Variants in COL4A5 observed in about 807,000 individuals in gnomAD.
The protein encoded by COL4A5 is collagen alpha-5(IV) chain.
COL4A5 carries 26 observed loss-of-function variants against 130.2 expected under a neutral mutation model. The ratio of observed to expected loss-of-function variants is 0.20; its 90% CI spans 0.15 to 0.28. The LOEUF is 0.28. Ranked by LOEUF, COL4A5 falls within the 10% of genes least tolerant of loss-of-function variation. The probability of loss-of-function intolerance (pLI) is 1.00; values close to 1 mark genes in which losing one functional copy is unlikely to be tolerated. For missense variants in COL4A5, 1,131 were observed against 1,344.3 expected, an observed-to-expected ratio of 0.84 and a Z score of 2.48; for synonymous variants, 496 against 439.6, an observed-to-expected ratio of 1.13 and a Z score of -1.60.
chrX:108,544,504 A>T lies in COL4A5; in HGVS notation c.141+4699A>T, dbSNP rs113457762. 3.7e-4 allele frequency among the ~76,000 whole-genome samples: 41 copies of T among 111,343 alleles called. No homozygotes were observed. The Admixed American group carries it at 3.9e-3, about 11-fold the overall frequency. On this transcript the variant is annotated intron_variant, in intron 2 of 52. Coordinates refer to ENST00000328300, the MANE Select transcript of COL4A5 (RefSeq NM_033380.3). Reference sequence around the variant, plus strand: ...AGGTTTTTGATGTGCTCTTGGATTCAGTTTGCCAGTATTTTATTGAGAATT... The same window carrying T: ...AGGTTTTTGATGTGCTCTTGGATTCTGTTTGCCAGTATTTTATTGAGAATT...
intron 1 of COL4A5, among the ~76,000 whole-genome samples, chrX:108,493,317 A>G (rs1158817086): frequency 8.9e-6 from 1 of 111,804 alleles, no homozygotes; most frequent in African/African-American, 3.2e-5. Flanking sequence ...AGTATGGTCC[A>G]TGCATATGAA....
intron 1 of COL4A5, among the ~76,000 whole-genome samples, chrX:108,508,827 A>G (rs1213225836): frequency 1.8e-5 from 2 of 112,135 alleles, no homozygotes; most frequent in Non-Finnish European, 3.8e-5. Context: ...TTTATATTCA[A>G]TAAATGGTGC....
chrX:108,566,763 A>G (rs1456406261), intron 4 of COL4A5, among the ~76,000 whole-genome samples: 1 of 110,344 alleles, frequency 9.1e-6, no homozygotes, highest in South Asian at 3.9e-4. Context: ...GTTAACCATG[A>G]TGGTCTGGAT....
chrX:108,623,608 T>C (rs2067097843), intron 33 of COL4A5, among the ~76,000 whole-genome samples: 2 of 111,898 alleles, frequency 1.8e-5, no homozygotes, highest in Non-Finnish European at 3.8e-5. Flanking sequence ...CTGCAGCTTA[T>C]AGTAAAGTTT....
chrX:108,546,889 A>C (rs770867920), intron 2 of COL4A5, among the ~76,000 whole-genome samples: 1 of 111,859 alleles, frequency 8.9e-6, no homozygotes, highest in African/African-American at 3.3e-5. Context: ...CCTTTCTTCC[A>C]GTTGATCGAA....
rs764862168 is a variant in COL4A5, at chrX:108,637,831, T to C, written c.3246+11482T>C. On this transcript the variant is annotated intron_variant, in intron 36 of 52. Transcript: ENST00000328300. ...AAAGAAAAGCTCAGGACCAGATGGC[T>C]ACACTGGTGAATTCTACCAATCTTT... Among the ~76,000 whole-genome samples, 21 of 109,632 alleles carry C rather than the reference T, an allele frequency of 1.9e-4. No homozygotes were observed. In the Admixed American group the frequency reaches 2.0e-3, roughly 11 times the overall value.
At chrX:108,491,588 T>G (rs1471153074) in intron 1 of COL4A5, among the ~76,000 whole-genome samples, 1 of 111,141 alleles carries the variant, frequency 9.0e-6, no homozygotes, top group East Asian at 2.8e-4. Context: ...ACCAGACAAA[T>G]GCTTAATAAT....
At position 108,626,248 on chromosome X, in the gene COL4A5, G is replaced by A; in HGVS notation, c.3145G>A (p.Val1049Ile). The A allele has an allele frequency of 8.3e-7, 1 of 1,210,408 alleles. No homozygotes were observed. Among genetic ancestry groups the A allele is most frequent in the Non-Finnish European group, 1.1e-6 (1 of 894,631 alleles). ...GGAAGGGCCTCCTGGACCTTCTGGAGTTCCTGGACAACCTGGCTCCCCAGG... is the reference window on the plus strand; with the variant it reads ...GGAAGGGCCTCCTGGACCTTCTGGAATTCCTGGACAACCTGGCTCCCCAGG... ...GVEGPPGPSG[V>I]PGQPGSPGLP... Residue 1049 changes from valine to isoleucine, a missense_variant, in exon 36 of 53, where the codon GTT (valine) becomes ATT (isoleucine). Coordinates refer to ENST00000328300, the MANE Select transcript of COL4A5 (RefSeq NM_033380.3).
At chrX:108,462,604 A>G (rs771928412) in intron 1 of COL4A5, 3 of 112,003 alleles carry the variant, frequency 2.7e-5, no homozygotes, top group Admixed American at 1.9e-4. Flanking sequence ...GGGTCTCACT[A>G]TGTTTCCCAG....
At chrX:108,550,773 A>G (rs951790435) in intron 2 of COL4A5, among the ~76,000 whole-genome samples, 1 of 112,000 alleles carries the variant, frequency 8.9e-6, no homozygotes, top group African/African-American at 3.2e-5. Flanking sequence ...AATGTAGAAA[A>G]TGTTATGACA....
chrX:108,667,813 C>T (rs1157142058), intron 40 of COL4A5, among the ~76,000 whole-genome samples: 1 of 108,059 alleles, frequency 9.3e-6, no homozygotes, highest in Non-Finnish European at 1.9e-5. Flanking sequence ...TGTTACATTG[C>T]TCTTAAAAGT....
At position 108,600,399 on chromosome X, in the gene COL4A5, TC is replaced by T. The variant is rs772279406; in HGVS notation, c.1949-993del. On this transcript the variant is annotated intron_variant, in intron 25 of 52. Transcript: ENST00000328300. ...TGCTTTTTGTGTCATGTTTAGGAAATCTTTTTTTTCTTGAGCCAATTTCAAG... is the reference window on the plus strand; with the variant it reads ...TGCTTTTTGTGTCATGTTTAGGAAATTTTTTTTTCTTGAGCCAATTTCAAG... Among the ~76,000 whole-genome samples, 54 of 104,914 alleles carry T rather than the reference TC, an allele frequency of 5.1e-4. No homozygotes were observed. In the South Asian group the frequency reaches 0.02, roughly 39 times the overall value. 91.1% of individuals were successfully genotyped at this position (104,914 alleles called of 115,157 possible).
chrX:108,588,023 T>C (rs1232311363), intron 19 of COL4A5, among the ~76,000 whole-genome samples: 2 of 111,234 alleles, frequency 1.8e-5, no homozygotes, highest in South Asian at 3.7e-4. Flanking sequence ...GATTTTGTTA[T>C]ACAATAAAAT....
At chrX:108,575,813 G>A in intron 9 of COL4A5, 97 bp from the exon 10 acceptor site, 1 of 602,750 alleles carries the variant, frequency 1.7e-6, no homozygotes, top group Non-Finnish European at 2.7e-6. Flanking sequence ...CTCCAGCCTG[G>A]GCGACACAAG....
intron 42 of COL4A5, among the ~76,000 whole-genome samples, chrX:108,672,373 C>T (rs750263369): frequency 8.9e-6 from 1 of 111,825 alleles, no homozygotes; most frequent in South Asian, 3.7e-4. Flanking sequence ...AAAGTAGCCA[C>T]ATTCCTTTAA....
At chrX:108,489,888 AT>A (rs2064979307) in intron 1 of COL4A5, among the ~76,000 whole-genome samples, 1 of 112,159 alleles carries the variant, frequency 8.9e-6, no homozygotes. Context: ...ATATTAAGGA[AT>A]TTAGAAGGTT....
intron 2 of COL4A5, among the ~76,000 whole-genome samples, chrX:108,554,392 A>G (rs929079012): frequency 2.7e-5 from 3 of 111,067 alleles, no homozygotes; most frequent in Non-Finnish European, 5.7e-5. Flanking sequence ...AAACCATCAG[A>G]TCTTGTGAGA....
intron 21 of COL4A5, among the ~76,000 whole-genome samples, chrX:108,593,269 G>A (rs150293187): frequency 5.4e-5 from 6 of 111,138 alleles, no homozygotes; most frequent in East Asian, 5.7e-4. Context: ...TTTCATTTGC[G>A]TTTGCCTAAT....
At chrX:108,661,777 G>T (rs947264111) in intron 37 of COL4A5, among the ~76,000 whole-genome samples, 8 of 111,362 alleles carry the variant, frequency 7.2e-5, no homozygotes, top group South Asian at 3.8e-4. Context: ...CAGTGATGGA[G>T]TTTTAGATTT....
Sources: gnomAD v4.1 joint callset for allele counts (sites outside exome capture counted in the v4.1 genomes callset) on GRCh38, gnomAD v4.1.1 for gene constraint, MANE v1.5 for transcripts, NCBI Gene and HGNC (gene_info 2026-07-23, HGNC 2026-07-21) for gene names.